CACNA1E: variants seen among roughly 807,000 people sequenced by gnomAD.
The protein encoded by CACNA1E is voltage-dependent R-type calcium channel subunit alpha-1E.
Under a neutral mutation model 259.2 loss-of-function variants are expected in CACNA1E, and 40 were observed. The observed-to-expected ratio is 0.15, with a 90% CI of 0.12 to 0.20. The LOEUF (loss-of-function observed/expected upper bound fraction) is 0.20. Ranked by LOEUF, CACNA1E falls within the 10% of genes least tolerant of loss-of-function variation. The pLI, the probability that CACNA1E is intolerant of heterozygous loss-of-function variation, is 1.00. For synonymous variants in CACNA1E, 1,104 were observed against 1,138.5 expected (o/e 0.97, Z 0.61); for missense variants, 1,874 against 3,040.1 (o/e 0.62, Z 9.02).
chr1:181,437,025 C>G (rs934992375), intron 2 of CACNA1E, among the ~76,000 whole-genome samples: 10 of 151,808 alleles, frequency 6.6e-5, no homozygotes, highest in Non-Finnish European at 8.8e-5. Context: ...TAGAAAACCC[C>G]CAAAAAAGCA....
chr1:181,482,018 C>T (rs1490548780), upstream of CACNA1E, among the ~76,000 whole-genome samples: 1 of 152,108 alleles, frequency 6.6e-6, no homozygotes. Context: ...ACAGCGGAAC[C>T]GGGAGGCCGC....
chr1:181,488,876 C>G (rs1250751535), intron 1 of CACNA1E, among the ~76,000 whole-genome samples: 1 of 152,170 alleles, frequency 6.6e-6, no homozygotes, highest in Non-Finnish European at 1.5e-5. Flanking sequence ...CTTTATAGCA[C>G]TGCTGTACAA....
Position 181,651,397 on chromosome 1 carries a change from T to C in CACNA1E, c.1011T>C (p.Ile337=). The change falls in exon 7 of 48, where the codon ATT becomes ATC. Residue 337 remains isoleucine (I), a synonymous_variant. Coordinates refer to ENST00000367573, the MANE Select transcript of CACNA1E (RefSeq NM_001205293.3). ...TGTACTTCATCCCCCTCATCATCAT[T>C]GGATCCTTCTTTGTTCTCAACCTAG... ...NWLYFIPLII[I]GSFFVLNLVL... 6.2e-7 allele frequency: 1 copy of C among 1,613,918 alleles called. No individual in the cohort carries two copies. Among genetic ancestry groups the C allele is most frequent in the East Asian group, 2.2e-5 (1 of 44,882 alleles).
chr1:181,715,190 C>T, intron 8 of CACNA1E, 148 bp from the exon 9 acceptor site: 1 of 619,932 alleles, frequency 1.6e-6, no homozygotes, highest in Non-Finnish European at 2.9e-6. Context: ...GTGACACTTG[C>T]TTTCTTTCTG....
At chr1:181,394,855 G>A (rs1656546714) in intron 1 of CACNA1E, among the ~76,000 whole-genome samples, 1 of 152,212 alleles carries the variant, frequency 6.6e-6, no homozygotes, top group African/African-American at 2.4e-5. Context: ...GGCCAGTGTG[G>A]CTGGAGCAGA....
At chr1:181,747,119 C>A (rs1485176145) in intron 25 of CACNA1E, among the ~76,000 whole-genome samples, 1 of 151,964 alleles carries the variant, frequency 6.6e-6, no homozygotes, top group African/African-American at 2.4e-5. Context: ...ATCTACCTTT[C>A]ACTCCTGCGA....
At chr1:181,324,061 T>G (rs1263956254) in intron 1 of CACNA1E, among the ~76,000 whole-genome samples, 1 of 152,228 alleles carries the variant, frequency 6.6e-6, no homozygotes, top group African/African-American at 2.4e-5. Context: ...CTCCCTGCTT[T>G]CCCTTTCCTT....
At chr1:181,499,663 T>G (rs1377909765) in intron 1 of CACNA1E, among the ~76,000 whole-genome samples, 1 of 152,210 alleles carries the variant, frequency 6.6e-6, no homozygotes, top group Non-Finnish European at 1.5e-5. Flanking sequence ...TGGCTGCACA[T>G]TAGAATAAGC....
intron 1 of CACNA1E, among the ~76,000 whole-genome samples, chr1:181,332,823 C>T (rs187372902): frequency 2.0e-5 from 3 of 152,322 alleles, no homozygotes; most frequent in Admixed American, 6.5e-5. Flanking sequence ...AAAATGCACA[C>T]TCCAAATGCT....
intron 7 of CACNA1E, among the ~76,000 whole-genome samples, chr1:181,682,066 C>T (rs1046167874): frequency 3.3e-5 from 5 of 152,124 alleles, no homozygotes; most frequent in African/African-American, 1.2e-4. Flanking sequence ...GTCATGTGGC[C>T]ACATCCAATG....
chr1:181,619,777 A>G (rs1655561563), intron 6 of CACNA1E, among the ~76,000 whole-genome samples: 1 of 152,142 alleles, frequency 6.6e-6, no homozygotes, highest in Admixed American at 6.5e-5. Context: ...TGCGAGACAA[A>G]GGGGGAGGGT....
In CACNA1E at chr1:181,798,920, A is replaced by C; in HGVS notation, c.*86A>C. 1.3e-5 allele frequency: 16 copies of C among 1,229,876 alleles called. No individual in the cohort carries two copies. The highest frequency in any genetic ancestry group is 3.0e-5 in the African/African-American group (2 of 66,320). The allele number at this position is 1,229,876 out of a possible 1,614,324, so 76.2% of individuals were successfully genotyped here. A position where few individuals can be genotyped will look rare whatever the true frequency, so the allele number is the denominator to read the frequency against. On this transcript the variant is annotated 3_prime_UTR_variant, in exon 48 of 48. Coordinates refer to ENST00000367573, the MANE Select transcript of CACNA1E (RefSeq NM_001205293.3). This position sits in a 1 kb window ranked among gnomAD's most constrained non-coding sequence, Gnocchi z 4.2. ...GGGAAGCCAGTGCGGCCCGGGGGGG[A>C]GGAAGAGGGAAAAGGAAGATGGAAG...
chr1:181,730,030 C>G (rs959698267), intron 18 of CACNA1E, among the ~76,000 whole-genome samples: 1 of 152,170 alleles, frequency 6.6e-6, no homozygotes, highest in South Asian at 2.1e-4. Context: ...ACAATGATGT[C>G]TGCATCAGTG....
intron 7 of CACNA1E, among the ~76,000 whole-genome samples, chr1:181,682,760 G>C (rs1044216577): frequency 6.6e-6 from 1 of 152,166 alleles, no homozygotes; most frequent in South Asian, 2.1e-4. Context: ...GAGAGTGAGT[G>C]AGTGGGGAGG....
intron 3 of CACNA1E, among the ~76,000 whole-genome samples, chr1:181,540,493 T>C (rs769892089): frequency 6.6e-6 from 1 of 152,200 alleles, no homozygotes; most frequent in Non-Finnish European, 1.5e-5. Flanking sequence ...GGGTTTAGAA[T>C]ATGCTCCCCA....
At chr1:181,656,421 G>A (rs76513218) in intron 7 of CACNA1E, among the ~76,000 whole-genome samples, 4,663 of 152,082 alleles carry the variant, frequency 0.031, 248 homozygotes, top group African/African-American at 0.11. Context: ...AAAGTAAAAA[G>A]TAAGAATAAA....
chr1:181,755,562 T>G (rs757215365), intron 28 of CACNA1E, among the ~76,000 whole-genome samples, 165 bp downstream of exon 28: 11 of 152,240 alleles, frequency 7.2e-5, no homozygotes, highest in Non-Finnish European at 1.5e-4. Flanking sequence ...GAGTGCCTCT[T>G]TTGTGTCAGA....
intron 1 of CACNA1E, among the ~76,000 whole-genome samples, chr1:181,367,699 GTAAC>G (rs1281273228): frequency 6.6e-5 from 10 of 150,960 alleles, no homozygotes; most frequent in Admixed American, 4.6e-4. Context: ...ATAGCAGAGA[GTAAC>G]TAGTTGACTA....
At chr1:181,340,984 G>A (rs1052861759) in intron 1 of CACNA1E, among the ~76,000 whole-genome samples, 8 of 152,140 alleles carry the variant, frequency 5.3e-5, no homozygotes, top group African/African-American at 1.9e-4. Context: ...ATTTTGAAGT[G>A]GAAGTAATTG....
Sources: allele counts gnomAD v4.1 joint callset (sites outside exome capture counted in the v4.1 genomes callset), GRCh38; gene constraint gnomAD v4.1.1; non-coding constraint Gnocchi (gnomAD v3.1); transcripts MANE v1.5; gene names NCBI Gene and HGNC (gene_info 2026-07-23, HGNC 2026-07-21).